Variants in ADGRB3 observed in about 807,000 individuals in gnomAD.
ADGRB3 encodes adhesion G protein-coupled receptor B3.
A neutral mutation model predicts 193.4 loss-of-function variants in ADGRB3; 37 were observed. The ratio of observed to expected loss-of-function variants is 0.19; its 90% CI spans 0.15 to 0.25. ADGRB3 has a LOEUF of 0.25. Ranked by LOEUF, ADGRB3 falls within the 10% of genes least tolerant of loss-of-function variation. ADGRB3 has a pLI of 1.00. For synonymous variants in ADGRB3, 690 were observed against 644.2 expected (o/e 1.07, Z -1.08); for missense variants, 1,637 against 1,852.9 (o/e 0.88, Z 2.14).
chr6:69,226,995 G>T (rs7769767), intron 17 of ADGRB3, among the ~76,000 whole-genome samples: 5,645 of 152,222 alleles, frequency 0.037, 353 homozygotes, highest in African/African-American at 0.13. Flanking sequence ...CAGAGGAGGA[G>T]GTAATAGACT....
intron 15 of ADGRB3, among the ~76,000 whole-genome samples, chr6:69,057,901 T>A (rs992826443): frequency 1.3e-5 from 2 of 152,084 alleles, no homozygotes; most frequent in South Asian, 2.1e-4. Context: ...TTCCTTTTTT[T>A]TATATATAGT....
chr6:68,761,327 TTCTTTA>T (rs1386548887), intron 3 of ADGRB3, among the ~76,000 whole-genome samples: 1 of 151,886 alleles, frequency 6.6e-6, no homozygotes, highest in Non-Finnish European at 1.5e-5. Context: ...TGACCTAAAC[TTCTTTA>T]TTTGTCCCTT....
intron 3 of ADGRB3, among the ~76,000 whole-genome samples, chr6:68,926,742 ATG>A (rs1464587507): frequency 1.3e-5 from 2 of 151,604 alleles, no homozygotes; most frequent in Admixed American, 1.3e-4. Context: ...AGAAACGGAT[ATG>A]TGTTTGTGTT....
chr6:68,887,857 G>C (rs1022594117), intron 3 of ADGRB3, among the ~76,000 whole-genome samples: 1 of 152,078 alleles, frequency 6.6e-6, no homozygotes, highest in African/African-American at 2.4e-5. Flanking sequence ...ATTTTCAACT[G>C]TATCAGATAT....
chr6:68,651,698 G>A (rs1010654607), intron 3 of ADGRB3, among the ~76,000 whole-genome samples: 2 of 152,024 alleles, frequency 1.3e-5, no homozygotes, highest in Non-Finnish European at 2.9e-5. Flanking sequence ...TTTTCTAAAT[G>A]GAAGCCAATA....
intron 3 of ADGRB3, among the ~76,000 whole-genome samples, chr6:68,928,630 T>C (rs73480136): frequency 0.014 from 2,070 of 152,280 alleles, 48 homozygotes; most frequent in African/African-American, 0.045. Context: ...ATGCTGCCAC[T>C]GAGTTGAAGA....
intron 3 of ADGRB3, among the ~76,000 whole-genome samples, chr6:68,677,546 C>A (rs1769126822): frequency 1.0e-5 from 1 of 99,250 alleles, no homozygotes; most frequent in African/African-American, 3.8e-5. Flanking sequence ...TTTGACAGGT[C>A]TCACTCTGTT....
At chr6:69,065,766 C>CACACACAT (rs1214076082) in intron 16 of ADGRB3, among the ~76,000 whole-genome samples, 10 of 63,228 alleles carry the variant, frequency 1.6e-4, no homozygotes, top group Non-Finnish European at 4.2e-4. Flanking sequence ...TATATATATA[C>CACACACAT]ACACACACAC....
intron 17 of ADGRB3, among the ~76,000 whole-genome samples, chr6:69,132,622 T>C (rs1057017835): frequency 8.5e-5 from 13 of 152,224 alleles, no homozygotes; most frequent in African/African-American, 3.1e-4. Context: ...AGAAGCTCTT[T>C]AGTTTAATTA....
At chr6:69,186,493 A>T (rs2150353253) in intron 17 of ADGRB3, among the ~76,000 whole-genome samples, 1 of 152,154 alleles carries the variant, frequency 6.6e-6, no homozygotes, top group Non-Finnish European at 1.5e-5. Context: ...AATACAAGTA[A>T]TGCAGAAGCA....
intron 3 of ADGRB3, among the ~76,000 whole-genome samples, chr6:68,719,326 A>G (rs1167924102): frequency 6.6e-6 from 1 of 151,746 alleles, no homozygotes; most frequent in African/African-American, 2.4e-5. Flanking sequence ...CATTTTAGGT[A>G]TGACTAGTGT....
At chr6:68,949,493 A>C (rs1692320091) in intron 6 of ADGRB3, among the ~76,000 whole-genome samples, 2 of 152,144 alleles carry the variant, frequency 1.3e-5, no homozygotes, top group Non-Finnish European at 2.9e-5. Flanking sequence ...TCTGCTATGA[A>C]CCTAAAATTT....
Position 69,361,266 on chromosome 6 carries a change from C to T in ADGRB3, c.3993C>T (p.Gly1331=), listed in dbSNP as rs754180544. The change falls in exon 29 of 32, where the codon GGC becomes GGT. Residue 1331 remains glycine, a synonymous_variant. Coordinates refer to ENST00000370598, the MANE Select transcript of ADGRB3 (RefSeq NM_001704.3). ...SMKEESKMNI[G]METLPHERLL... is the part of the protein sequence containing the mutation. Reference sequence around the variant, plus strand: ...AAGAAGAAAGCAAAATGAATATTGGCATGGAAACCTTGCCGCATGAAAGGC... The same window carrying T: ...AAGAAGAAAGCAAAATGAATATTGGTATGGAAACCTTGCCGCATGAAAGGC... The T allele has an allele frequency of 1.2e-6, 2 of 1,612,788 alleles. No homozygotes were observed.
chr6:69,382,769 C>A, intron 30 of ADGRB3, 62 bp from the exon 31 acceptor site: 2 of 1,243,210 alleles, frequency 1.6e-6, no homozygotes, highest in East Asian at 2.6e-5. Flanking sequence ...AATATTAAAT[C>A]TCTCTTGTTT....
At chr6:68,816,306 G>C (rs1482568965) in intron 3 of ADGRB3, among the ~76,000 whole-genome samples, 1 of 151,892 alleles carries the variant, frequency 6.6e-6, no homozygotes, top group Non-Finnish European at 1.5e-5. Flanking sequence ...TCATGAAAAT[G>C]ATTAAGAATC....
At chr6:69,383,118 G>A (rs535213464) in intron 31 of ADGRB3, among the ~76,000 whole-genome samples, 183 bp downstream of exon 31, 1 of 151,756 alleles carries the variant, frequency 6.6e-6, no homozygotes, top group Non-Finnish European at 1.5e-5. Context: ...GAATCTTTAG[G>A]CATTTTATTC....
intron 3 of ADGRB3, among the ~76,000 whole-genome samples, chr6:68,655,286 A>G (rs1768465289): frequency 6.6e-6 from 1 of 151,426 alleles, no homozygotes. Flanking sequence ...TCTAAACATC[A>G]GGGTTTTGTT....
At chr6:69,075,631 G>A (rs1350706898) in intron 16 of ADGRB3, among the ~76,000 whole-genome samples, 1 of 152,012 alleles carries the variant, frequency 6.6e-6, no homozygotes, top group East Asian at 1.9e-4. Context: ...TCAATATTGT[G>A]AATACTGTAA....
At chr6:68,937,832 C>G (rs1324371986) in intron 5 of ADGRB3, among the ~76,000 whole-genome samples, 2 of 152,040 alleles carry the variant, frequency 1.3e-5, no homozygotes, top group Non-Finnish European at 2.9e-5. Flanking sequence ...ATGAAAAAGT[C>G]TGAATATCTG....
Sources: gnomAD v4.1 joint callset for allele counts (sites outside exome capture counted in the v4.1 genomes callset) on GRCh38, gnomAD v4.1.1 for gene constraint, MANE v1.5 for transcripts, NCBI Gene and HGNC (gene_info 2026-07-23, HGNC 2026-07-21) for gene names.